PHKA2: variants seen among roughly 807,000 people sequenced by gnomAD.
PHKA2 encodes phosphorylase b kinase regulatory subunit alpha, liver isoform.
In PHKA2, 31 loss-of-function variants were observed where a neutral mutation model predicts 102.0. The observed-to-expected ratio is 0.30, with a 90% CI of 0.23 to 0.41. The LOEUF (loss-of-function observed/expected upper bound fraction) is 0.41. Ranked by LOEUF, PHKA2 falls within the 10% of genes least tolerant of loss-of-function variation. The probability of loss-of-function intolerance (pLI) is 1.00; values close to 1 mark genes in which losing one functional copy is unlikely to be tolerated. For synonymous variants in PHKA2, 455 were observed against 416.2 expected (o/e 1.09, Z -1.13); for missense variants, 858 against 1,023.1 (o/e 0.84, Z 2.20).
intron 26 of PHKA2, among the ~76,000 whole-genome samples, chrX:18,904,099 G>A (rs1199815760): frequency 1.8e-5 from 2 of 111,627 alleles, no homozygotes; most frequent in Admixed American, 9.5e-5. Context: ...CACTGTGCAG[G>A]AGGAGTAGTG....
chrX:18,909,713 C>T (rs761361811), intron 20 of PHKA2, among the ~76,000 whole-genome samples: 12 of 112,527 alleles, frequency 1.1e-4, no homozygotes, highest in African/African-American at 3.5e-4. Flanking sequence ...GCTTTGACCA[C>T]TTCTTCAGAC....
rs1371196245 is a variant in PHKA2, at chrX:18,952,499, T to G, written c.280A>C (p.Arg94=). 2.7e-5 allele frequency: 33 copies of G among 1,210,166 alleles called. No homozygotes were observed. The highest frequency in any genetic ancestry group is 3.4e-5 in the Non-Finnish European group (30 of 893,872). The part of the protein sequence containing the change: ...LMRGLLQCMM[R]QVAKVEKFKH... ...CGTGTGTGGGTTCTGCCTACCTGTCTCATCATGCACTGGAGAAGACCTCGC... is the reference window on the plus strand; with the variant it reads ...CGTGTGTGGGTTCTGCCTACCTGTCGCATCATGCACTGGAGAAGACCTCGC... Residue 94 remains arginine (R), a synonymous_variant, in exon 3 of 33, where the codon AGA becomes CGA. Transcript: ENST00000379942.
In PHKA2 at chrX:18,939,982, A is replaced by G; in HGVS notation, c.918+13T>C. 1 of 1,123,558 alleles carries G rather than the reference A, an allele frequency of 8.9e-7. No individual in the cohort carries two copies. The highest frequency in any genetic ancestry group is 1.2e-6 in the Non-Finnish European group (1 of 814,995). 92.6% of individuals were successfully genotyped at this position (1,123,558 alleles called of 1,213,427 possible). A position where few individuals can be genotyped will look rare whatever the true frequency, so the allele number is the denominator to read the frequency against. On this transcript the variant is annotated intron_variant, in intron 9 of 32. Transcript: ENST00000379942. ...CAGTTGAGGAAAGATAAGAAACAATATTTAAATACAACCTCTCTTGGAGTT... is the reference window on the plus strand; with the variant it reads ...CAGTTGAGGAAAGATAAGAAACAATGTTTAAATACAACCTCTCTTGGAGTT...
intron 2 of PHKA2, 23 bp from the exon 3 acceptor site, chrX:18,952,564 G>A: frequency 8.3e-7 from 1 of 1,202,750 alleles, no homozygotes; most frequent in African/African-American, 1.7e-5. Flanking sequence ...AGCAGAATCA[G>A]CAACACGGCC....
At chrX:18,919,850 T>C (rs1447352122) in intron 18 of PHKA2, among the ~76,000 whole-genome samples, 182 bp downstream of exon 18, 1 of 111,836 alleles carries the variant, frequency 8.9e-6, no homozygotes, top group Non-Finnish European at 1.9e-5. Context: ...ATTTGCAGTT[T>C]CGGTTTTTAA....
chrX:18,929,896 C>T (rs756608459), intron 12 of PHKA2, among the ~76,000 whole-genome samples: 1 of 112,117 alleles, frequency 8.9e-6, no homozygotes, highest in Non-Finnish European at 1.9e-5. Flanking sequence ...ATAAAAAATT[C>T]CCTCACCTAC....
intron 1 of PHKA2, among the ~76,000 whole-genome samples, chrX:18,966,534 T>A: frequency 8.9e-6 from 1 of 112,164 alleles, no homozygotes; most frequent in Non-Finnish European, 1.9e-5. Flanking sequence ...TTTGAGCACT[T>A]TTTTTCTATG....
In PHKA2 at chrX:18,926,504, G is replaced by C. The variant is rs1436979458; in HGVS notation, c.1408C>G (p.Pro470Ala). The C allele has an allele frequency of 8.3e-7, 1 of 1,197,810 alleles. No homozygotes were observed. The highest frequency in any genetic ancestry group is 1.8e-5 in the South Asian group (1 of 56,679). Residue 470 changes from proline (P) to alanine (A), a missense_variant, in exon 14 of 33, where the codon CCA (proline) becomes GCA (alanine). By Grantham distance (27) the Pro-to-Ala change is conservative. This residue lies in a region of PHKA2 where 671 missense variants were observed against 745.2 expected (regional missense o/e 0.90). Coordinates refer to ENST00000379942, the MANE Select transcript of PHKA2 (RefSeq NM_000292.3). ...VNVQSIADIH[P>A]IQVQPGRILS... ...ATCCGGCCCGGCTGGACTTGAATTG[G>C]ATGAATGTCCGCGATACTCTGGACG... is the stretch of plus-strand genomic sequence containing the variant.
At chrX:18,911,022 T>C in intron 19 of PHKA2, 62 bp from the exon 20 acceptor site, 2 of 708,094 alleles carry the variant, frequency 2.8e-6, no homozygotes, top group Non-Finnish European at 4.3e-6. Flanking sequence ...TTTTTTTTTT[T>C]TGAGACAGAA....
intron 1 of PHKA2, among the ~76,000 whole-genome samples, chrX:18,957,072 T>G (rs897227821): frequency 1.2e-4 from 13 of 112,043 alleles, no homozygotes; most frequent in African/African-American, 3.9e-4. Flanking sequence ...CCAGCTAATT[T>G]TCTGTATTTT....
chrX:18,925,801 T>A, intron 14 of PHKA2, 24 bp from the exon 15 acceptor site: 1 of 1,018,231 alleles, frequency 9.8e-7, no homozygotes, highest in Non-Finnish European at 1.4e-6. Context: ...AAAAGATAAA[T>A]TGGAGTTAGA....
chrX:18,961,370 C>T (rs1341886991), intron 1 of PHKA2, among the ~76,000 whole-genome samples: 2 of 111,697 alleles, frequency 1.8e-5, no homozygotes, highest in African/African-American at 6.5e-5. Flanking sequence ...CTTAAGAATG[C>T]TCATTTTGGC....
At chrX:18,981,394 T>C (rs185000919) in intron 1 of PHKA2, among the ~76,000 whole-genome samples, 1 of 111,879 alleles carries the variant, frequency 8.9e-6, no homozygotes, top group Non-Finnish European at 1.9e-5. Flanking sequence ...CACACAACTT[T>C]TTTTTAATCA....
intron 30 of PHKA2, 180 bp from the exon 31 acceptor site, chrX:18,895,371 G>A: frequency 2.0e-6 from 1 of 488,584 alleles, no homozygotes; most frequent in Non-Finnish European, 3.7e-6. Flanking sequence ...CACAGGCTGT[G>A]TTTTCGATGG....
chrX:18,901,656 C>T (rs1266009564), intron 26 of PHKA2, 53 bp from the exon 27 acceptor site: 27 of 845,192 alleles, frequency 3.2e-5, no homozygotes, highest in East Asian at 1.3e-4. Context: ...GCATCCAACC[C>T]GAGGCAGGAT....
chrX:18,980,734 G>C (rs2049159843), intron 1 of PHKA2, among the ~76,000 whole-genome samples: 1 of 111,683 alleles, frequency 9.0e-6, no homozygotes, highest in Non-Finnish European at 1.9e-5. Context: ...CTGAGCGCCG[G>C]TCTCCTGGGC....
chrX:18,941,096 A>G (rs1285872298), intron 8 of PHKA2, among the ~76,000 whole-genome samples: 1 of 112,461 alleles, frequency 8.9e-6, no homozygotes, highest in Non-Finnish European at 1.9e-5. Context: ...AGTTTAGTGT[A>G]TCACGGTTAC....
chrX:18,928,512 C>T (rs1295081124), intron 13 of PHKA2, among the ~76,000 whole-genome samples: 1 of 112,570 alleles, frequency 8.9e-6, no homozygotes, highest in African/African-American at 3.2e-5. Context: ...ATGGTGTACA[C>T]ACAACATGCT....
intron 1 of PHKA2, among the ~76,000 whole-genome samples, chrX:18,973,246 C>A (rs930220832): frequency 2.7e-4 from 30 of 111,823 alleles, no homozygotes; most frequent in South Asian, 1.5e-3. Flanking sequence ...CTCAGGTGAT[C>A]CATCCGCCTC....
Sources: allele counts gnomAD v4.1 joint callset (sites outside exome capture counted in the v4.1 genomes callset), GRCh38; gene constraint gnomAD v4.1.1; regional missense constraint gnomAD v4.1.1; transcripts MANE v1.5; gene names NCBI Gene and HGNC (gene_info 2026-07-23, HGNC 2026-07-21).